LPIN2: variants seen among roughly 807,000 people sequenced by gnomAD.
LPIN2 encodes the protein phosphatidate phosphatase LPIN2.
LPIN2 carries 55 observed loss-of-function variants against 111.4 expected under a neutral mutation model. That is an observed-to-expected ratio of 0.49 (90% CI 0.40 to 0.62). LPIN2 has a LOEUF of 0.62. Among genes scored for constraint, LPIN2 ranks in the 20% least tolerant of loss-of-function variants. The probability of loss-of-function intolerance (pLI) is 0.00; values close to 1 mark genes in which losing one functional copy is unlikely to be tolerated. For missense variants in LPIN2, 992 were observed against 1,112.1 expected (o/e 0.89, Z 1.54); for synonymous variants, 425 against 414.0 (o/e 1.03, Z -0.32).
chr18:2,975,994 C>T lies in LPIN2; in HGVS notation c.-9-15145G>A, dbSNP rs572831640. ...TCTATTTACACACTGACCTAGAAGT[C>T]AGGAATTTGTACGATTCTTCCACTA... On this transcript the variant is annotated intron_variant, in intron 1 of 19. Transcript: ENST00000677752. Among the ~76,000 whole-genome samples the T allele has an allele frequency of 2.6e-5, 4 of 152,260 alleles. No homozygotes were observed. The South Asian group carries it at 8.3e-4, about 32-fold the overall frequency.
intron 19 of LPIN2, 40 bp downstream of exon 19, chr18:2,920,738 G>T: frequency 6.7e-7 from 1 of 1,494,584 alleles, no homozygotes; most frequent in Non-Finnish European, 9.3e-7. Flanking sequence ...CTGTACCCCT[G>T]GCTGCAGGGC....
intron 1 of LPIN2, among the ~76,000 whole-genome samples, chr18:2,992,646 T>C (rs2143431395): frequency 6.6e-6 from 1 of 152,002 alleles, no homozygotes; most frequent in Middle Eastern, 3.4e-3. Context: ...TTCCAGGAGT[T>C]CAAGACCAGC....
intron 1 of LPIN2, among the ~76,000 whole-genome samples, chr18:3,002,112 A>G (rs1164528526): frequency 6.6e-6 from 1 of 152,092 alleles, no homozygotes; most frequent in East Asian, 1.9e-4. Context: ...TCCTAAAACA[A>G]AAGTCCTATT....
At position 2,942,450 on chromosome 18, in the gene LPIN2, T is replaced by C. The variant is rs571015066; in HGVS notation, c.591-1738A>G. On this transcript the variant is annotated intron_variant, in intron 4 of 19. Coordinates refer to ENST00000677752, the MANE Select transcript of LPIN2 (RefSeq NM_001375808.2). ...CGTGAAAGTGGTCTGAAAAGAACAA[T>C]GTAAAAGTCACACAAATTTCTAACC... is the stretch of plus-strand genomic sequence containing the variant. 6.1e-4 allele frequency among the ~76,000 whole-genome samples: 93 copies of C among 152,316 alleles called. No individual in the cohort carries two copies. In the South Asian group the frequency reaches 6.6e-3, roughly 11 times the overall value.
At chr18:2,997,225 G>A (rs1000825154) in intron 1 of LPIN2, among the ~76,000 whole-genome samples, 3 of 152,144 alleles carry the variant, frequency 2.0e-5, no homozygotes, top group South Asian at 4.1e-4. Context: ...CAGGTGATCC[G>A]CCGGCCTTGG....
intron 1 of LPIN2, among the ~76,000 whole-genome samples, chr18:2,999,778 C>G (rs1252694624): frequency 6.6e-6 from 1 of 152,126 alleles, no homozygotes; most frequent in Non-Finnish European, 1.5e-5. Flanking sequence ...AATAAACATC[C>G]AAGAATGAGA....
chr18:2,952,157 T>C (rs999932397), intron 3 of LPIN2, among the ~76,000 whole-genome samples: 2 of 152,246 alleles, frequency 1.3e-5, no homozygotes, highest in Non-Finnish European at 2.9e-5. Flanking sequence ...CAGAACGTGG[T>C]GGCTCACGCC....
At position 2,920,252 on chromosome 18, in the gene LPIN2, G is replaced by T; in HGVS notation, c.*41C>A. The T allele has an allele frequency of 4.3e-6, 7 of 1,613,296 alleles. No individual in the cohort carries two copies. Among genetic ancestry groups the T allele is most frequent in the Non-Finnish European group, 5.9e-6 (7 of 1,179,648 alleles). ...GAGCCAGCTGCCTTCCCTTGCTGTG[G>T]GGAGGGGGACCAAGCCCTGCCCACC... On this transcript the variant is annotated 3_prime_UTR_variant, in exon 20 of 20. Coordinates refer to ENST00000677752, the MANE Select transcript of LPIN2 (RefSeq NM_001375808.2).
intron 7 of LPIN2, among the ~76,000 whole-genome samples, chr18:2,936,708 T>C (rs2077290879): frequency 6.6e-6 from 1 of 152,176 alleles, no homozygotes; most frequent in African/African-American, 2.4e-5. Context: ...GCCTCCCAAG[T>C]AGCTGGGACC....
At chr18:3,002,323 T>C (rs1287639388) in intron 1 of LPIN2, among the ~76,000 whole-genome samples, 8 of 151,466 alleles carry the variant, frequency 5.3e-5, no homozygotes, top group African/African-American at 1.7e-4. Flanking sequence ...TAACATTTCA[T>C]GTAGTTTTAT....
rs893383376 is a variant in LPIN2, at chr18:2,920,021, C to T, written c.*272G>A. On this transcript the variant is annotated 3_prime_UTR_variant, in exon 20 of 20. Coordinates refer to ENST00000677752, the MANE Select transcript of LPIN2 (RefSeq NM_001375808.2). ...GATGCAATGGAAGGAGGCCCCAGCT[C>T]ACAGCAGGAAACATGTGTGCGACCC... The T allele has an allele frequency of 1.1e-5, 6 of 549,344 alleles. No individual in the cohort carries two copies. The highest frequency in any genetic ancestry group is 2.0e-5 in the Non-Finnish European group (6 of 305,046). The allele number at this position is 549,344 out of a possible 1,614,324, so 34.0% of individuals were successfully genotyped here. A position where few individuals can be genotyped will look rare whatever the true frequency, so the allele number is the denominator to read the frequency against.
chr18:2,941,388 A>T (rs903675697), intron 4 of LPIN2, among the ~76,000 whole-genome samples: 1 of 152,212 alleles, frequency 6.6e-6, no homozygotes. Context: ...TCATAAAAGG[A>T]CCTTGGGTAG....
intron 6 of LPIN2, 43 bp from the exon 7 acceptor site, chr18:2,938,080 T>A (rs1369772799): frequency 6.9e-7 from 1 of 1,441,092 alleles, no homozygotes; most frequent in Non-Finnish European, 9.7e-7. Flanking sequence ...ACTTTCAGAG[T>A]ATTTGTTATA....
intron 1 of LPIN2, among the ~76,000 whole-genome samples, chr18:2,992,758 C>A (rs566195757): frequency 4.6e-4 from 70 of 151,926 alleles, no homozygotes; most frequent in African/African-American, 1.6e-3. Context: ...TCGAGGCGGG[C>A]AGATCATGAG....
At chr18:2,990,096 G>T (rs944585657) in intron 1 of LPIN2, among the ~76,000 whole-genome samples, 11 of 152,094 alleles carry the variant, frequency 7.2e-5, no homozygotes, top group African/African-American at 2.7e-4. Flanking sequence ...CTCAACGGAT[G>T]GTGCTGACAC....
chr18:2,927,367 C>T (rs1035672030), intron 12 of LPIN2, among the ~76,000 whole-genome samples: 1 of 152,204 alleles, frequency 6.6e-6, no homozygotes, highest in Non-Finnish European at 1.5e-5. Context: ...TGCAGGCAGA[C>T]GATAACCTTC....
chr18:2,946,796 T>C (rs746887913), intron 4 of LPIN2: 10 of 458,332 alleles, frequency 2.2e-5, no homozygotes, highest in Non-Finnish European at 4.0e-5. Flanking sequence ...CCACTAACTC[T>C]GTTAACAACG....
intron 1 of LPIN2, among the ~76,000 whole-genome samples, chr18:2,968,338 G>C (rs1184875771): frequency 6.6e-6 from 1 of 152,148 alleles, no homozygotes; most frequent in African/African-American, 2.4e-5. Context: ...CACAAAAAAA[G>C]ATGCCCATTA....
intron 3 of LPIN2, among the ~76,000 whole-genome samples, chr18:2,951,914 G>A (rs2077543788): frequency 6.6e-6 from 1 of 152,200 alleles, no homozygotes; most frequent in Non-Finnish European, 1.5e-5. Context: ...AATGACATTA[G>A]TAAATTTTTA....
Sources: gnomAD v4.1 joint callset for allele counts (sites outside exome capture counted in the v4.1 genomes callset) on GRCh38, gnomAD v4.1.1 for gene constraint, MANE v1.5 for transcripts, NCBI Gene and HGNC (gene_info 2026-07-23, HGNC 2026-07-21) for gene names.